STXBP4: variants seen among roughly 807,000 people sequenced by gnomAD.
STXBP4 encodes syntaxin-binding protein 4.
A neutral mutation model predicts 76.1 loss-of-function variants in STXBP4; 55 were observed. The observed-to-expected ratio is 0.72, with a 90% CI of 0.58 to 0.91. The LOEUF (loss-of-function observed/expected upper bound fraction) is 0.91, where lower values mean the gene tolerates loss of function less well. Among genes scored for constraint, STXBP4 ranks in the 40% least tolerant of loss-of-function variants. The probability of loss-of-function intolerance (pLI) is 0.00; values close to 1 mark genes in which losing one functional copy is unlikely to be tolerated. For synonymous variants in STXBP4, 201 were observed against 220.2 expected, an observed-to-expected ratio of 0.91 and a Z score of 0.77; for missense variants, 618 against 636.9, an observed-to-expected ratio of 0.97 and a Z score of 0.32.
intron 10 of STXBP4, among the ~76,000 whole-genome samples, chr17:55,042,650 G>C (rs987835240): frequency 1.3e-5 from 2 of 151,972 alleles, no homozygotes; most frequent in African/African-American, 4.8e-5. Context: ...AGATGTACGA[G>C]ATATGGTCAT....
At chr17:55,206,092 A>G in the STXBP4 span, among the ~76,000 whole-genome samples, 1 of 152,296 alleles carries the variant, frequency 6.6e-6, no homozygotes, top group East Asian at 1.9e-4. Context: ...AAAGCAAATT[A>G]TAAAAATTTT....
At chr17:55,156,785 T>C (rs1441061062) in intron 17 of STXBP4, among the ~76,000 whole-genome samples, 4 of 152,192 alleles carry the variant, frequency 2.6e-5, no homozygotes, top group African/African-American at 9.6e-5. Flanking sequence ...ATAAGATTAA[T>C]CAAGTTATAA....
At chr17:54,988,670 G>A (rs2077663059) in intron 3 of STXBP4, among the ~76,000 whole-genome samples, 1 of 152,120 alleles carries the variant, frequency 6.6e-6, no homozygotes, top group Middle Eastern at 3.2e-3. Flanking sequence ...AGCTATTCAG[G>A]AGGCTGAGGT....
intron 3 of STXBP4, among the ~76,000 whole-genome samples, chr17:54,990,118 G>T (rs1287695283): frequency 6.6e-6 from 1 of 152,124 alleles, no homozygotes; most frequent in Non-Finnish European, 1.5e-5. Context: ...TGGATGTTTT[G>T]TAGGGAAAAT....
intron 4 of STXBP4, among the ~76,000 whole-genome samples, chr17:54,995,263 C>T (rs761691164): frequency 7.9e-5 from 12 of 152,150 alleles, no homozygotes; most frequent in Non-Finnish European, 1.5e-4. Context: ...ATTTGGGCTC[C>T]ACACCAAGGT....
chr17:54,972,011 C>T (rs2077407994), intron 1 of STXBP4, among the ~76,000 whole-genome samples: 1 of 152,150 alleles, frequency 6.6e-6, no homozygotes, highest in Non-Finnish European at 1.5e-5. Flanking sequence ...GATGTTTCCT[C>T]ATGTTTGTGA....
the STXBP4 span, among the ~76,000 whole-genome samples, chr17:55,190,962 A>T: frequency 6.6e-6 from 1 of 152,180 alleles, no homozygotes; most frequent in South Asian, 2.1e-4. Flanking sequence ...AGTGAAACTC[A>T]CAAGTGATAG....
intron 8 of STXBP4, among the ~76,000 whole-genome samples, chr17:55,008,459 A>T (rs976044698): frequency 1.3e-5 from 2 of 152,152 alleles, no homozygotes; most frequent in Non-Finnish European, 2.9e-5. Flanking sequence ...TTTCTCACCC[A>T]TCGGTAGATT....
chr17:55,069,191 T>C (rs1308049877), intron 12 of STXBP4, among the ~76,000 whole-genome samples: 1 of 152,032 alleles, frequency 6.6e-6, no homozygotes, highest in African/African-American at 2.4e-5. Flanking sequence ...AGATTTTACT[T>C]CTTAATTCAG....
rs115722616 is a variant in STXBP4, at chr17:55,052,273, A to G, written c.1011+5119A>G. On this transcript the variant is annotated intron_variant, in intron 12 of 17. Coordinates refer to ENST00000376352, the MANE Select transcript of STXBP4 (RefSeq NM_178509.6). Reference sequence around the variant, plus strand: ...AGAAAATAAGGACGTGCTCAAAATGACAGGGGCATATCACAGGAACTAGCT... The same window carrying G: ...AGAAAATAAGGACGTGCTCAAAATGGCAGGGGCATATCACAGGAACTAGCT... Among the ~76,000 whole-genome samples the G allele has an allele frequency of 3.0e-3, 459 of 152,324 alleles. 5 individuals are homozygous for G. The highest frequency in any genetic ancestry group is 0.011 in the African/African-American group (445 of 41,592).
At chr17:54,972,714 C>A (rs1176168155) in intron 1 of STXBP4, among the ~76,000 whole-genome samples, 1 of 152,140 alleles carries the variant, frequency 6.6e-6, no homozygotes, top group African/African-American at 2.4e-5. Flanking sequence ...TTAGAAAAAA[C>A]TCTGAGCACT....
chr17:54,990,727 G>A (rs908841283), intron 3 of STXBP4, 98 bp from the exon 4 acceptor site: 2 of 1,417,762 alleles, frequency 1.4e-6, no homozygotes, highest in Middle Eastern at 2.0e-4. Flanking sequence ...AGGGGTTGCT[G>A]CTCTAGATCT....
chr17:55,152,498 A>G (rs980684551), intron 17 of STXBP4, among the ~76,000 whole-genome samples: 3 of 152,188 alleles, frequency 2.0e-5, no homozygotes, highest in African/African-American at 7.2e-5. Flanking sequence ...TTATAAACAA[A>G]GGAGCTTTAA....
At chr17:55,075,146 C>T (rs866825944) in intron 13 of STXBP4, among the ~76,000 whole-genome samples, 2 of 151,964 alleles carry the variant, frequency 1.3e-5, no homozygotes, top group South Asian at 4.2e-4. Flanking sequence ...TTGCATCTCC[C>T]ACCCTTTCCC....
intron 3 of STXBP4, among the ~76,000 whole-genome samples, chr17:54,990,454 TG>T (rs1394242847): frequency 1.3e-5 from 2 of 152,202 alleles, no homozygotes; most frequent in African/African-American, 4.8e-5. Context: ...ATCTAGTGGC[TG>T]GTGATCTGTC....
chr17:55,084,304 CT>C (rs2079295322), intron 16 of STXBP4, among the ~76,000 whole-genome samples: 1 of 152,150 alleles, frequency 6.6e-6, no homozygotes, highest in East Asian at 1.9e-4. Flanking sequence ...TGTTCATGTC[CT>C]TTGCCCACTT....
chr17:54,977,693 A>C (rs1303684572), intron 1 of STXBP4, among the ~76,000 whole-genome samples: 1 of 152,174 alleles, frequency 6.6e-6, no homozygotes, highest in Non-Finnish European at 1.5e-5. Context: ...TGATTTTGCC[A>C]ATTTTCTTAA....
At chr17:55,192,891 G>A in the STXBP4 span, among the ~76,000 whole-genome samples, 1 of 152,146 alleles carries the variant, frequency 6.6e-6, no homozygotes, top group Non-Finnish European at 1.5e-5. Context: ...CTCTGATGAG[G>A]AAACTGACAG....
chr17:55,035,945 A>G (rs1017119615), intron 10 of STXBP4, among the ~76,000 whole-genome samples: 4 of 152,056 alleles, frequency 2.6e-5, no homozygotes, highest in African/African-American at 9.6e-5. Flanking sequence ...ATGTGTATAC[A>G]TTGTGGAATG....
Sources: allele counts gnomAD v4.1 joint callset (sites outside exome capture counted in the v4.1 genomes callset), GRCh38; gene constraint gnomAD v4.1.1; transcripts MANE v1.5; gene names NCBI Gene and HGNC (gene_info 2026-07-23, HGNC 2026-07-21).